Variants in DIAPH2 observed in about 807,000 individuals in gnomAD.
DIAPH2 encodes diaphanous related formin 2.
In DIAPH2, 35 loss-of-function variants were observed where a neutral mutation model predicts 92.7. That is an observed-to-expected ratio of 0.38 (90% CI 0.29 to 0.50). The LOEUF (loss-of-function observed/expected upper bound fraction) is 0.50. Ranked by LOEUF, DIAPH2 falls within the 20% of genes least tolerant of loss-of-function variation. DIAPH2 has a pLI of 0.94. For missense variants in DIAPH2, 701 were observed against 819.5 expected (o/e 0.86, Z 1.77); for synonymous variants, 301 against 280.4 (o/e 1.07, Z -0.73).
intron 17 of DIAPH2, among the ~76,000 whole-genome samples, chrX:97,045,662 G>A (rs769992266): frequency 9.2e-6 from 1 of 108,343 alleles, no homozygotes; most frequent in African/African-American, 3.5e-5. Context: ...CAGAAGGAGA[G>A]TACGATCAAA....
At chrX:97,232,095 T>C (rs1010998049) in intron 22 of DIAPH2, among the ~76,000 whole-genome samples, 2 of 111,210 alleles carry the variant, frequency 1.8e-5, no homozygotes, top group African/African-American at 6.5e-5. Flanking sequence ...GACTTTGTCA[T>C]CACATATGAC....
At chrX:97,416,958 G>T (rs2069953220) in intron 25 of DIAPH2, among the ~76,000 whole-genome samples, 1 of 112,021 alleles carries the variant, frequency 8.9e-6, no homozygotes, top group East Asian at 2.8e-4. Flanking sequence ...CCACCCATTT[G>T]CCCCTTCAGG....
intron 15 of DIAPH2, among the ~76,000 whole-genome samples, chrX:96,951,581 G>A (rs2065775611): frequency 9.0e-6 from 1 of 111,517 alleles, no homozygotes; most frequent in Admixed American, 9.6e-5. Context: ...TCCTACCTTA[G>A]CCTCCCAAGG....
chrX:97,348,705 T>C (rs983878490), intron 24 of DIAPH2, among the ~76,000 whole-genome samples: 8 of 112,022 alleles, frequency 7.1e-5, no homozygotes, highest in African/African-American at 2.3e-4. Flanking sequence ...TGATTTTGAA[T>C]TGGACTGTGT....
rs1280146470 is a variant in DIAPH2 at position 97,329,889 on chromosome X, TAGACACACACACAC to T, written c.2845-18225_2845-18212del. ...ATTTTTTCTGCCCTCCCTGCATTCT[TAGACACACACACAC>T]ACACACACACACACACACACACACA... is the stretch of plus-strand genomic sequence containing the variant. On this transcript the variant is annotated intron_variant, in intron 23 of 26. Coordinates refer to ENST00000324765, the MANE Select transcript of DIAPH2 (RefSeq NM_006729.5). Among the ~76,000 whole-genome samples the T allele has an allele frequency of 7.1e-5, 3 of 42,134 alleles. No individual in the cohort carries two copies. In the East Asian group the frequency reaches 2.8e-3, roughly 39 times the overall value. 36.6% of individuals were successfully genotyped at this position (42,134 alleles called of 115,157 possible).
chrX:96,859,786 C>T (rs1242002169), intron 4 of DIAPH2, among the ~76,000 whole-genome samples: 1 of 109,668 alleles, frequency 9.1e-6, no homozygotes, highest in Non-Finnish European at 1.9e-5. Flanking sequence ...GGACCACAGG[C>T]GCCCACCACC....
In DIAPH2 at chrX:97,099,245, T is replaced by A. The variant is rs754118972; in HGVS notation, c.2248-449T>A. 8.1e-4 allele frequency among the ~76,000 whole-genome samples: 90 copies of A among 110,454 alleles called. 1 individual carries two copies. In the East Asian group the frequency reaches 0.015, roughly 18 times the overall value. On this transcript the variant is annotated intron_variant, in intron 19 of 26. Transcript: ENST00000324765. ...GCCCGGCATGGTGGCGGGCGCCTGT[T>A]ATCCCAGCTACTCGTGAGGCTGAGG...
chrX:97,192,308 A>G (rs1396203934), intron 22 of DIAPH2, among the ~76,000 whole-genome samples: 1 of 107,963 alleles, frequency 9.3e-6, no homozygotes. Context: ...AAAAAAAAAA[A>G]AAAAAAGAAA....
intron 1 of DIAPH2, among the ~76,000 whole-genome samples, chrX:96,689,470 A>G (rs759566690): frequency 1.8e-5 from 2 of 108,701 alleles, no homozygotes; most frequent in South Asian, 4.1e-4. Context: ...ATATTTGGAG[A>G]CCTGGATTCC....
At chrX:97,072,038 C>T (rs2066673076) in intron 17 of DIAPH2, among the ~76,000 whole-genome samples, 1 of 111,956 alleles carries the variant, frequency 8.9e-6, no homozygotes. Flanking sequence ...TTACTTACAA[C>T]CCTGTTTTTA....
rs190467928 is a variant in DIAPH2, at chrX:97,299,935, C to G, written c.2845-48181C>G. On this transcript the variant is annotated intron_variant, in intron 23 of 26. Transcript: ENST00000324765. ...AGTTGAAAATCCATGACAATTTTCT[C>G]TTTGTCTAAATCCTAGCTGATATTT... Among the ~76,000 whole-genome samples the G allele has an allele frequency of 7.1e-5, 8 of 111,925 alleles. No individual in the cohort carries two copies. The East Asian group carries it at 2.2e-3, about 31-fold the overall frequency.
intron 22 of DIAPH2, among the ~76,000 whole-genome samples, chrX:97,245,713 T>G (rs751183848): frequency 6.3e-5 from 7 of 111,512 alleles, no homozygotes; most frequent in Non-Finnish European, 3.8e-5. Context: ...ATGTGGGGCC[T>G]ACATGAGGGT....
intron 17 of DIAPH2, among the ~76,000 whole-genome samples, chrX:97,061,133 A>G (rs1165993626): frequency 8.9e-6 from 1 of 112,349 alleles, no homozygotes; most frequent in Non-Finnish European, 1.9e-5. Flanking sequence ...TGTTAAAATC[A>G]GGTTTATTTT....
intron 20 of DIAPH2, among the ~76,000 whole-genome samples, chrX:97,110,081 T>A: frequency 8.9e-6 from 1 of 112,207 alleles, no homozygotes; most frequent in Non-Finnish European, 1.9e-5. Flanking sequence ...TGTCAGCTAT[T>A]AATTTTGTTG....
Position 97,164,467 on chromosome X carries a change from TAAAAGAAA to T in DIAPH2, c.2719+22683_2719+22690del, listed in dbSNP as rs1485385641. 6.2e-5 allele frequency among the ~76,000 whole-genome samples: 7 copies of T among 112,078 alleles called. No homozygotes were observed. The East Asian group carries it at 2.0e-3, about 31-fold the overall frequency. ...ATGGTTCTGAGTGAGCACTACCATT[TAAAAGAAA>T]AAAAGAAAAGAAAAAAAGAGTGTGA... On this transcript the variant is annotated intron_variant, in intron 22 of 26. Coordinates refer to ENST00000324765, the MANE Select transcript of DIAPH2 (RefSeq NM_006729.5).
intron 15 of DIAPH2, among the ~76,000 whole-genome samples, chrX:96,956,583 A>T (rs1367621838): frequency 1.8e-5 from 2 of 111,023 alleles, no homozygotes; most frequent in Non-Finnish European, 3.8e-5. Context: ...CCACTTAGAA[A>T]TTTTTTCTGC....
chrX:97,374,635 G>A (rs2069482005), intron 24 of DIAPH2, among the ~76,000 whole-genome samples: 1 of 112,271 alleles, frequency 8.9e-6, no homozygotes, highest in Non-Finnish European at 1.9e-5. Flanking sequence ...GACTCTCAGA[G>A]TCTAGTTACT....
chrX:97,088,895 T>C (rs1466370493), intron 19 of DIAPH2, among the ~76,000 whole-genome samples: 4 of 111,497 alleles, frequency 3.6e-5, no homozygotes, highest in Non-Finnish European at 7.5e-5. Flanking sequence ...TTTCCCGGGT[T>C]TCATCTGCCT....
At chrX:97,095,846 A>G (rs2066864928) in intron 19 of DIAPH2, among the ~76,000 whole-genome samples, 1 of 112,386 alleles carries the variant, frequency 8.9e-6, no homozygotes, top group Non-Finnish European at 1.9e-5. Context: ...TAAATTTGTG[A>G]TGCGTAAAAG....
Sources: allele counts gnomAD v4.1 joint callset (sites outside exome capture counted in the v4.1 genomes callset), GRCh38; gene constraint gnomAD v4.1.1; transcripts MANE v1.5; gene names NCBI Gene and HGNC (gene_info 2026-07-23, HGNC 2026-07-21).